Variants in SNX9 observed in about 807,000 individuals in gnomAD.
SNX9 encodes sorting nexin 9.
In SNX9, 44 loss-of-function variants were observed where a neutral mutation model predicts 89.4. The observed-to-expected ratio is 0.49, with a 90% CI of 0.39 to 0.63. The LOEUF is 0.63. Ranked by LOEUF, SNX9 falls within the 30% of genes least tolerant of loss-of-function variation. The pLI, the probability that SNX9 is intolerant of heterozygous loss-of-function variation, is 0.00. For missense variants in SNX9, 578 were observed against 736.1 expected, an observed-to-expected ratio of 0.79 and a Z score of 2.49; for synonymous variants, 236 against 247.8, an observed-to-expected ratio of 0.95 and a Z score of 0.45.
chr6:157,896,254 C>A (rs774107181), intron 4 of SNX9, among the ~76,000 whole-genome samples: 2 of 152,136 alleles, frequency 1.3e-5, no homozygotes, highest in African/African-American at 4.8e-5. Context: ...ATTGCATATA[C>A]TTTTATTGTT....
At chr6:157,841,794 G>T (rs186541870) in intron 1 of SNX9, among the ~76,000 whole-genome samples, 2 of 152,278 alleles carry the variant, frequency 1.3e-5, no homozygotes, top group Admixed American at 6.5e-5. Flanking sequence ...AAAATGATAA[G>T]AATTTACTAC....
chr6:157,826,731 T>C (rs1421612805), intron 1 of SNX9, among the ~76,000 whole-genome samples: 1 of 134,678 alleles, frequency 7.4e-6, no homozygotes, highest in East Asian at 2.0e-4. Flanking sequence ...CCAGCCAAAA[T>C]ATAACCTATT....
chr6:157,823,984 C>A lies in SNX9; in HGVS notation c.12+538C>A, dbSNP rs1781292763. ...CGGGGAGGGACCGAGGCTGGGACGC[C>A]CCGCGCCCCTTTGCCTTCGCTGCTG... On this transcript the variant is annotated intron_variant, in intron 1 of 17. Transcript: ENST00000392185. The surrounding 1 kb of genome is among the most constrained non-coding windows in gnomAD (Gnocchi z 4.6). Among the ~76,000 whole-genome samples the A allele has an allele frequency of 6.6e-6, 1 of 152,208 alleles. No individual in the cohort carries two copies. The highest frequency in any genetic ancestry group is 2.1e-4 in the South Asian group (1 of 4,836).
At chr6:157,892,587 A>C (rs1562607415) in intron 4 of SNX9, 1 of 152,222 alleles carries the variant, frequency 6.6e-6, no homozygotes, top group Non-Finnish European at 1.5e-5. Context: ...CAGTTACTAC[A>C]CACCTACAAA....
At position 157,942,934 on chromosome 6, in the gene SNX9, G is replaced by T; in HGVS notation, c.*96G>T. 1.5e-6 allele frequency: 2 copies of T among 1,347,940 alleles called. No individual in the cohort carries two copies. Among genetic ancestry groups the T allele is most frequent in the Non-Finnish European group, 2.0e-6 (2 of 987,090 alleles). 83.5% of individuals were successfully genotyped at this position (1,347,940 alleles called of 1,614,324 possible). On this transcript the variant is annotated 3_prime_UTR_variant, in exon 18 of 18. Transcript: ENST00000392185. ...TTTCCCCTATTATTCAGAAAAAAAA[G>T]GAAACAAAACCAAAAAGAAAGAGTT... is the stretch of plus-strand genomic sequence containing the variant.
intron 9 of SNX9, among the ~76,000 whole-genome samples, chr6:157,919,451 G>T (rs1004871245): frequency 1.4e-5 from 2 of 144,336 alleles, no homozygotes; most frequent in Non-Finnish European, 3.1e-5. Flanking sequence ...AATTCACTAG[G>T]TGTTTTTTTT....
At chr6:157,864,643 T>TA (rs1782215952) in intron 1 of SNX9, among the ~76,000 whole-genome samples, 1 of 152,208 alleles carries the variant, frequency 6.6e-6, no homozygotes, top group South Asian at 2.1e-4. Context: ...GGCTCCACTC[T>TA]GAGGGCTCGC....
Position 157,944,043 on chromosome 6 carries a change from C to T in SNX9, c.*1205C>T, listed in dbSNP as rs951568813. 1.3e-5 allele frequency: 2 copies of T among 152,334 alleles called. No individual in the cohort carries two copies. Among genetic ancestry groups the T allele is most frequent in the Non-Finnish European group, 2.9e-5 (2 of 68,122 alleles). 9.4% of individuals were successfully genotyped at this position (152,334 alleles called of 1,614,324 possible). A position where few individuals can be genotyped will look rare whatever the true frequency, so the allele number is the denominator to read the frequency against. ...CTTCACACAGGGTGTTTCTGAGCAC[C>T]AGCACTTCCAGCGCTTCACTTAACG... On this transcript the variant is annotated 3_prime_UTR_variant, in exon 18 of 18. Transcript: ENST00000392185.
At chr6:157,933,058 A>G (rs1783847782) in intron 13 of SNX9, among the ~76,000 whole-genome samples, 1 of 152,050 alleles carries the variant, frequency 6.6e-6, no homozygotes, top group East Asian at 1.9e-4. Context: ...TATGAGAGCA[A>G]GTTAGCTCTT....
At chr6:157,886,168 G>T (rs1362041942) in intron 4 of SNX9, among the ~76,000 whole-genome samples, 1 of 152,014 alleles carries the variant, frequency 6.6e-6, no homozygotes, top group Non-Finnish European at 1.5e-5. Flanking sequence ...ACTGAGTCAG[G>T]TCTAACCATG....
rs112640359 is a variant in SNX9 at position 157,835,264 on chromosome 6, C to T, written c.12+11818C>T. On this transcript the variant is annotated intron_variant, in intron 1 of 17. Coordinates refer to ENST00000392185, the MANE Select transcript of SNX9 (RefSeq NM_016224.5). ...CTGACACCAAGTGATCCACCTGCCT[C>T]GGCCCCTCAAAGTGCTGGGATTACA... is the stretch of plus-strand genomic sequence containing the variant. Among the ~76,000 whole-genome samples the T allele has an allele frequency of 4.5e-3, 684 of 152,278 alleles. 4 individuals carry two copies. The highest frequency in any genetic ancestry group is 0.016 in the African/African-American group (653 of 41,554).
chr6:157,867,441 T>TA, intron 1 of SNX9, 106 bp from the exon 2 acceptor site: 1 of 825,288 alleles, frequency 1.2e-6, no homozygotes, highest in South Asian at 2.0e-5. Context: ...CCACAGCCAC[T>TA]ATCATGTTTG....
chr6:157,940,774 C>A (rs755076645), intron 16 of SNX9, 109 bp from the exon 17 acceptor site: 59 of 961,948 alleles, frequency 6.1e-5, no homozygotes, highest in Non-Finnish European at 9.0e-5. Flanking sequence ...CAACAGCAGC[C>A]AACCAGATTA....
At chr6:157,843,850 TAAA>T (rs1781749224) in intron 1 of SNX9, among the ~76,000 whole-genome samples, 1 of 151,346 alleles carries the variant, frequency 6.6e-6, no homozygotes, top group South Asian at 2.1e-4. Context: ...TTCTAGATTT[TAAA>T]AAATTATTTC....
intron 3 of SNX9, 119 bp from the exon 4 acceptor site, chr6:157,874,932 C>T (rs1782486975): frequency 1.7e-6 from 2 of 1,160,320 alleles, no homozygotes; most frequent in Non-Finnish European, 2.4e-6. Flanking sequence ...GCAGTGCTTA[C>T]AGAGAAATTT....
Position 157,915,880 on chromosome 6 carries a change from G to T in SNX9, c.950-5651G>T, listed in dbSNP as rs181314335. ...TCATTGGAGAGTTGTATTGTAAATGGTACTGTTTTTTAAATTTCCATTTTC... is the reference window on the plus strand; with the variant it reads ...TCATTGGAGAGTTGTATTGTAAATGTTACTGTTTTTTAAATTTCCATTTTC... On this transcript the variant is annotated intron_variant, in intron 9 of 17. Coordinates refer to ENST00000392185, the MANE Select transcript of SNX9 (RefSeq NM_016224.5). Among the ~76,000 whole-genome samples, 13 of 149,862 alleles carry T rather than the reference G, an allele frequency of 8.7e-5. No homozygotes were observed. The East Asian group carries it at 1.4e-3, about 16-fold the overall frequency.
At chr6:157,874,984 T>G in intron 3 of SNX9, 67 bp from the exon 4 acceptor site, 2 of 1,516,040 alleles carry the variant, frequency 1.3e-6, no homozygotes, top group South Asian at 2.7e-5. Context: ...AATTCTTGCT[T>G]GCCCTCGAAG....
intron 1 of SNX9, among the ~76,000 whole-genome samples, chr6:157,854,567 C>T (rs1781972916): frequency 6.6e-6 from 1 of 152,144 alleles, no homozygotes; most frequent in South Asian, 2.1e-4. Context: ...AAATTTATAA[C>T]ATTTTGAGGG....
At chr6:157,835,424 T>C (rs1357178436) in intron 1 of SNX9, among the ~76,000 whole-genome samples, 1 of 151,642 alleles carries the variant, frequency 6.6e-6, no homozygotes, top group Admixed American at 6.6e-5. Flanking sequence ...TTTTTTTTTT[T>C]TTTTTTTAAA....
Sources: gnomAD v4.1 joint callset for allele counts (sites outside exome capture counted in the v4.1 genomes callset) on GRCh38, gnomAD v4.1.1 for gene constraint, Gnocchi (gnomAD v3.1) non-coding constraint, MANE v1.5 for transcripts, NCBI Gene and HGNC (gene_info 2026-07-23, HGNC 2026-07-21) for gene names.